The following TMEM135 variants were observed in gnomAD, a reference collection of about 807,000 sequenced individuals.
The protein encoded by TMEM135 is transmembrane protein 135, also known as peroxisomal membrane protein 52.
In TMEM135, 30 loss-of-function variants were observed where a neutral mutation model predicts 60.3. The ratio of observed to expected loss-of-function variants is 0.50; its 90% CI spans 0.37 to 0.68. TMEM135 has a LOEUF of 0.68. TMEM135 is among the 30% of genes least tolerant of loss of function. The pLI, the probability that TMEM135 is intolerant of heterozygous loss-of-function variation, is 0.00. For synonymous variants in TMEM135, 190 were observed against 186.7 expected, an observed-to-expected ratio of 1.02 and a Z score of -0.14; for missense variants, 468 against 548.8, an observed-to-expected ratio of 0.85 and a Z score of 1.47.
At position 87,318,181 on chromosome 11, in the gene TMEM135, T is replaced by C. The variant is rs192901628; in HGVS notation, c.1122T>C (p.Phe374=). The change falls in exon 13 of 15, where the codon TTT becomes TTC. Residue 374 remains phenylalanine, a synonymous_variant. Coordinates refer to ENST00000305494, the MANE Select transcript of TMEM135 (RefSeq NM_022918.4). ...KGIEAGKVPY[F]PHADTIIYSI... ...TTGAAGCAGGGAAGGTTCCCTATTT[T>C]CCTCATGCAGATACTATCATCTATT... The C allele has an allele frequency of 1.4e-5, 23 of 1,612,952 alleles. No individual in the cohort carries two copies. The East Asian group carries it at 4.2e-4, about 30-fold the overall frequency.
At chr11:87,240,714 A>G (rs1591129485) in intron 6 of TMEM135, among the ~76,000 whole-genome samples, 6 of 152,248 alleles carry the variant, frequency 3.9e-5, no homozygotes, top group Middle Eastern at 3.4e-3. Context: ...GTCTATGGGG[A>G]ATATTTGAGA....
chr11:87,202,728 TTTAAAAAAAAA>T (rs1940141860), intron 5 of TMEM135, among the ~76,000 whole-genome samples: 2 of 134,478 alleles, frequency 1.5e-5, no homozygotes, highest in African/African-American at 5.5e-5. Flanking sequence ...TTTAAAAGAC[TTTAAAAAAAAA>T]AAAAAAAAGC....
intron 6 of TMEM135, among the ~76,000 whole-genome samples, chr11:87,264,362 G>C (rs1240595964): frequency 6.7e-6 from 1 of 148,938 alleles, no homozygotes; most frequent in Admixed American, 6.7e-5. Context: ...ATAATGTCTA[G>C]GAAGTAACTA....
chr11:87,215,319 T>C (rs1015303603), intron 5 of TMEM135, among the ~76,000 whole-genome samples: 2 of 152,224 alleles, frequency 1.3e-5, no homozygotes, highest in African/African-American at 4.8e-5. Context: ...ACTTACTGGC[T>C]TTAAAACAGT....
chr11:87,119,166 G>T (rs1857974958), intron 4 of TMEM135, among the ~76,000 whole-genome samples: 1 of 152,132 alleles, frequency 6.6e-6, no homozygotes, highest in Non-Finnish European at 1.5e-5. Flanking sequence ...TCTAGTTTTT[G>T]ATTTAAAGTG....
chr11:87,067,395 A>G (rs2513211), intron 1 of TMEM135, among the ~76,000 whole-genome samples: 70,725 of 151,412 alleles, frequency 0.47, 17,333 homozygotes, highest in East Asian at 0.64. Flanking sequence ...TCATTTAAAA[A>G]TATATTCCAT....
In TMEM135 at chr11:87,325,894, C is replaced by G. The variant is rs1185908671; in HGVS notation, c.*4561C>G. 8.8e-6 allele frequency: 4 copies of G among 453,470 alleles called. No individual in the cohort carries two copies. The highest frequency in any genetic ancestry group is 1.8e-5 in the Non-Finnish European group (4 of 226,660). The allele number at this position is 453,470 out of a possible 1,614,324, so 28.1% of individuals were successfully genotyped here. On this transcript the variant is annotated 3_prime_UTR_variant, in exon 15 of 15. Coordinates refer to ENST00000305494, the MANE Select transcript of TMEM135 (RefSeq NM_022918.4). ...TTCTTTTACTTTCTCCATTTTTTTT[C>G]CATCTGTCCCTCCTACGAATATGTT...
At chr11:87,197,747 A>G (rs1190837635) in intron 5 of TMEM135, among the ~76,000 whole-genome samples, 1 of 152,120 alleles carries the variant, frequency 6.6e-6, no homozygotes, top group African/African-American at 2.4e-5. Flanking sequence ...TGTTTTGCAA[A>G]TTCACTTATT....
At chr11:87,316,442 A>G (rs903481139) in intron 12 of TMEM135, among the ~76,000 whole-genome samples, 1 of 152,040 alleles carries the variant, frequency 6.6e-6, no homozygotes, top group Non-Finnish European at 1.5e-5. Flanking sequence ...AAACCACTGA[A>G]GAGTTTTAAG....
intron 4 of TMEM135, among the ~76,000 whole-genome samples, chr11:87,122,104 AT>A (rs879865177): frequency 3.9e-5 from 6 of 152,072 alleles, no homozygotes; most frequent in African/African-American, 1.4e-4. Flanking sequence ...ATTTTAAATC[AT>A]TTTTTTCAAT....
chr11:87,131,854 C>A (rs1420821828), intron 4 of TMEM135, among the ~76,000 whole-genome samples: 2 of 152,124 alleles, frequency 1.3e-5, no homozygotes, highest in Non-Finnish European at 2.9e-5. Flanking sequence ...TATTTACAAC[C>A]TCTCCCCATC....
At chr11:87,265,508 T>G (rs1024394131) in intron 6 of TMEM135, among the ~76,000 whole-genome samples, 1 of 152,012 alleles carries the variant, frequency 6.6e-6, no homozygotes, top group Non-Finnish European at 1.5e-5. Context: ...TTCCTCCAAA[T>G]TTGTTTCTTT....
chr11:87,079,482 C>T (rs187482929), intron 3 of TMEM135, among the ~76,000 whole-genome samples: 2 of 152,156 alleles, frequency 1.3e-5, no homozygotes, highest in East Asian at 3.9e-4. Flanking sequence ...ATCTTGACTT[C>T]TGTGACCTTG....
chr11:87,309,108 A>C (rs975946302), intron 9 of TMEM135, among the ~76,000 whole-genome samples: 8 of 152,122 alleles, frequency 5.3e-5, no homozygotes, highest in African/African-American at 1.9e-4. Context: ...TTCTGTTAAC[A>C]TTTTCAAGAG....
chr11:87,244,288 T>A lies in TMEM135; in HGVS notation c.509+7604T>A, dbSNP rs1302512784. On this transcript the variant is annotated intron_variant, in intron 6 of 14. Transcript: ENST00000305494. ...TTGAGGATTTTTGCATCAATGTTCA[T>A]CAAGGATATTGGTCTAAAATTCTCT... Among the ~76,000 whole-genome samples the A allele has an allele frequency of 4.2e-5, 3 of 70,976 alleles. 1 individual carries two copies. Among genetic ancestry groups the A allele is most frequent in the Admixed American group, 3.6e-4 (3 of 8,330 alleles). The allele number at this position is 70,976 out of a possible 152,430, so 46.6% of individuals were successfully genotyped here. A position where few individuals can be genotyped will look rare whatever the true frequency, so the allele number is the denominator to read the frequency against.
In TMEM135 at chr11:87,322,131, T is replaced by A. The variant is rs532091547; in HGVS notation, c.*798T>A. The stretch of plus-strand genomic sequence containing the variant: ...ACACTTGAATATTTAAAAACAAAAC[T>A]TTTAAACTTCCTATAGGTTTATGAT... On this transcript the variant is annotated 3_prime_UTR_variant, in exon 15 of 15. Coordinates refer to ENST00000305494, the MANE Select transcript of TMEM135 (RefSeq NM_022918.4). 19 of 453,432 alleles carry A rather than the reference T, an allele frequency of 4.2e-5. No individual in the cohort carries two copies. Among genetic ancestry groups the A allele is most frequent in the South Asian group, 3.0e-4 (19 of 64,380 alleles). The allele number at this position is 453,432 out of a possible 1,614,324, so 28.1% of individuals were successfully genotyped here. A position where few individuals can be genotyped will look rare whatever the true frequency, so the allele number is the denominator to read the frequency against.
At chr11:87,236,894 C>T (rs937878426) in intron 6 of TMEM135, among the ~76,000 whole-genome samples, 1 of 151,640 alleles carries the variant, frequency 6.6e-6, no homozygotes, top group African/African-American at 2.4e-5. Context: ...TTATTCTCCC[C>T]ACCCCCCATT....
intron 6 of TMEM135, among the ~76,000 whole-genome samples, chr11:87,248,060 A>G (rs1471578698): frequency 6.6e-6 from 1 of 151,630 alleles, no homozygotes; most frequent in Non-Finnish European, 1.5e-5. Flanking sequence ...ATAGCATTCC[A>G]TCGTGAGTGT....
chr11:87,259,292 A>C, intron 6 of TMEM135: 2 of 361,508 alleles, frequency 5.5e-6, no homozygotes, highest in Non-Finnish European at 1.1e-5. Context: ...GTGGAAAAAA[A>C]GGATAGGGAA....
Sources: gnomAD v4.1 joint callset for allele counts (sites outside exome capture counted in the v4.1 genomes callset) on GRCh38, gnomAD v4.1.1 for gene constraint, MANE v1.5 for transcripts, NCBI Gene and HGNC (gene_info 2026-07-23, HGNC 2026-07-21) for gene names.